The following CSMD1 variants were observed in gnomAD, a reference collection of about 807,000 sequenced individuals.
CSMD1 encodes CUB and Sushi multiple domains 1, also known as CUB and sushi domain-containing protein 1.
Under a neutral mutation model 417.5 loss-of-function variants are expected in CSMD1, and 213 were observed. The observed-to-expected ratio is 0.51, with a 90% CI of 0.46 to 0.57. The LOEUF (loss-of-function observed/expected upper bound fraction) is 0.57, where lower values mean the gene tolerates loss of function less well. Among genes scored for constraint, CSMD1 ranks in the 20% least tolerant of loss-of-function variants. The pLI, the probability that CSMD1 is intolerant of heterozygous loss-of-function variation, is 0.00. For synonymous variants in CSMD1, 2,862 were observed against 1,736.8 expected, an observed-to-expected ratio of 1.65 and a Z score of -16.11; for missense variants, 6,923 against 4,529.7, an observed-to-expected ratio of 1.53 and a Z score of -15.17.
chr8:3,363,512 CTTAT>C (rs72391770), intron 20 of CSMD1, among the ~76,000 whole-genome samples: 31 of 150,766 alleles, frequency 2.1e-4, no homozygotes, highest in East Asian at 8.0e-4. Context: ...TGTAGAAAGG[CTTAT>C]TTATTTATTT....
intron 3 of CSMD1, among the ~76,000 whole-genome samples, chr8:4,100,235 A>G (rs1215627139): frequency 6.6e-6 from 1 of 152,198 alleles, no homozygotes; most frequent in East Asian, 1.9e-4. Flanking sequence ...TAGCATACAG[A>G]TGGAAAACAG....
At chr8:4,927,169 C>G (rs1806926992) in intron 1 of CSMD1, among the ~76,000 whole-genome samples, 1 of 151,064 alleles carries the variant, frequency 6.6e-6, no homozygotes, top group South Asian at 2.1e-4. Flanking sequence ...TGCAATGGCA[C>G]AATCTCAGCT....
chr8:4,110,320 T>G (rs552413779), intron 3 of CSMD1, among the ~76,000 whole-genome samples: 5 of 152,178 alleles, frequency 3.3e-5, no homozygotes, highest in Non-Finnish European at 5.9e-5. Context: ...TCCCAGGAAC[T>G]TGTGAATTTT....
chr8:3,716,456 G>A (rs912453663), intron 6 of CSMD1, among the ~76,000 whole-genome samples: 1 of 152,148 alleles, frequency 6.6e-6, no homozygotes, highest in African/African-American at 2.4e-5. Flanking sequence ...CCCTTTTTTA[G>A]ACCATATAGA....
intron 26 of CSMD1, among the ~76,000 whole-genome samples, chr8:3,252,900 G>C (rs1800380182): frequency 1.3e-5 from 2 of 152,232 alleles, no homozygotes; most frequent in South Asian, 4.1e-4. Flanking sequence ...TGTGGGATCG[G>C]TGGTGATATT....
In CSMD1 at chr8:4,162,504, A is replaced by G. The variant is rs186688119; in HGVS notation, c.416-130405T>C. Among the ~76,000 whole-genome samples, 171 of 152,310 alleles carry G rather than the reference A, an allele frequency of 1.1e-3. 1 individual carries two copies. Among genetic ancestry groups the G allele is most frequent in the Non-Finnish European group, 1.8e-3 (124 of 68,026 alleles). ...TTTGATGAACAGTTTTGATCCTCAT[A>G]AATCTAACTTGCCAGAATATTAAAT... On this transcript the variant is annotated intron_variant, in intron 3 of 69. Transcript: ENST00000635120.
intron 6 of CSMD1, among the ~76,000 whole-genome samples, chr8:3,726,073 T>A (rs112837145): frequency 3.3e-5 from 5 of 152,218 alleles, no homozygotes; most frequent in African/African-American, 1.2e-4. Flanking sequence ...AGCCATGCCA[T>A]GAGGGTACTC....
intron 2 of CSMD1, among the ~76,000 whole-genome samples, chr8:4,506,730 G>C (rs1413831682): frequency 6.6e-6 from 1 of 152,102 alleles, no homozygotes; most frequent in Admixed American, 6.5e-5. Flanking sequence ...AGAGTGTATT[G>C]TTTCATCAGC....
intron 3 of CSMD1, among the ~76,000 whole-genome samples, chr8:4,183,042 T>C (rs1459529319): frequency 6.6e-6 from 1 of 152,182 alleles, no homozygotes; most frequent in Non-Finnish European, 1.5e-5. Flanking sequence ...CACGTGATTG[T>C]GTTATATGCA....
At chr8:3,248,526 T>C (rs907197982) in intron 26 of CSMD1, among the ~76,000 whole-genome samples, 1 of 128,780 alleles carries the variant, frequency 7.8e-6, no homozygotes, top group South Asian at 2.8e-4. Context: ...TCCCTCCCTT[T>C]TTTTTTTTTT....
chr8:4,371,340 G>A (rs1014224978), intron 3 of CSMD1, among the ~76,000 whole-genome samples: 6 of 152,122 alleles, frequency 3.9e-5, no homozygotes, highest in African/African-American at 1.4e-4. Flanking sequence ...GCAAGTTAAA[G>A]TTTTAAATGC....
intron 3 of CSMD1, among the ~76,000 whole-genome samples, chr8:4,220,073 C>G (rs2407313): frequency 0.45 from 69,001 of 151,962 alleles, 16,582 homozygotes; most frequent in South Asian, 0.64. Context: ...CCTCAGCCTC[C>G]CGAGTACCTG....
intron 2 of CSMD1, among the ~76,000 whole-genome samples, chr8:4,467,540 A>AATTT (rs1800256828): frequency 6.6e-6 from 1 of 152,184 alleles, no homozygotes; most frequent in East Asian, 1.9e-4. Context: ...TACTTAGCAC[A>AATTT]TTAAACCTGT....
chr8:4,308,691 T>G (rs1317772085), intron 3 of CSMD1, among the ~76,000 whole-genome samples: 2 of 152,218 alleles, frequency 1.3e-5, no homozygotes, highest in South Asian at 2.1e-4. Context: ...TGGGTGCTTT[T>G]GGAGTTTAAT....
At chr8:3,126,188 C>A (rs1055244244) in intron 41 of CSMD1, among the ~76,000 whole-genome samples, 2 of 152,126 alleles carry the variant, frequency 1.3e-5, no homozygotes, top group African/African-American at 4.8e-5. Flanking sequence ...ACTAAATATA[C>A]CCATCTATAC....
chr8:3,299,232 G>T (rs534925957), intron 25 of CSMD1, among the ~76,000 whole-genome samples: 2 of 152,004 alleles, frequency 1.3e-5, no homozygotes, highest in African/African-American at 4.8e-5. Context: ...TGGGTGGATC[G>T]CCTGAGGTCA....
intron 1 of CSMD1, among the ~76,000 whole-genome samples, chr8:4,757,086 A>G (rs934375289): frequency 1.3e-5 from 2 of 152,254 alleles, no homozygotes; most frequent in African/African-American, 2.4e-5. Context: ...AAGAAACAGG[A>G]TAAGTAGGAC....
chr8:4,615,003 C>G (rs2130800246), intron 2 of CSMD1, among the ~76,000 whole-genome samples: 1 of 152,214 alleles, frequency 6.6e-6, no homozygotes, highest in East Asian at 1.9e-4. Flanking sequence ...TCCCTGAAAT[C>G]AGAATTGGTG....
chr8:3,429,725 T>C (rs62505600), intron 12 of CSMD1, among the ~76,000 whole-genome samples: 15,892 of 152,204 alleles, frequency 0.1, 930 homozygotes, highest in African/African-American at 0.14. Context: ...AATTGTTAGG[T>C]TTTTCAGCGT....
Sources: gnomAD v4.1 joint callset for allele counts (sites outside exome capture counted in the v4.1 genomes callset) on GRCh38, gnomAD v4.1.1 for gene constraint, MANE v1.5 for transcripts, NCBI Gene and HGNC (gene_info 2026-07-23, HGNC 2026-07-21) for gene names.